Variants in CPNE2 observed in about 807,000 individuals in gnomAD.
CPNE2 encodes the protein copine-2.
CPNE2 carries 42 observed loss-of-function variants against 69.7 expected under a neutral mutation model. The ratio of observed to expected loss-of-function variants is 0.60; its 90% confidence interval spans 0.47 to 0.78. CPNE2 has a LOEUF of 0.78. CPNE2 is among the 30% of genes least tolerant of loss of function. The pLI is 0.00. For missense variants in CPNE2, 587 were observed against 732.0 expected, an observed-to-expected ratio of 0.80 and a Z score of 2.29; for synonymous variants, 294 against 289.8, an observed-to-expected ratio of 1.01 and a Z score of -0.15.
intron 4 of CPNE2, among the ~76,000 whole-genome samples, chr16:57,117,276 C>T (rs554686185): frequency 1.2e-4 from 19 of 152,262 alleles, no homozygotes; most frequent in African/African-American, 3.6e-4. Context: ...TGCGTAGATC[C>T]GCTTCCTGAC....
intron 14 of CPNE2, among the ~76,000 whole-genome samples, chr16:57,140,259 C>T (rs1469268500): frequency 6.6e-6 from 1 of 152,162 alleles, no homozygotes; most frequent in African/African-American, 2.4e-5. Flanking sequence ...CAACCTCCGC[C>T]TCCTGGGTTC....
chr16:57,119,106 C>T (rs1434619445), intron 5 of CPNE2, 89 bp from the exon 6 acceptor site: 51 of 1,175,282 alleles, frequency 4.3e-5, no homozygotes, highest in Non-Finnish European at 5.7e-5. Flanking sequence ...TCCTGACACC[C>T]GGCTGGGGAG....
At chr16:57,123,616 G>A in intron 10 of CPNE2, 143 bp downstream of exon 10, 1 of 857,542 alleles carries the variant, frequency 1.2e-6, no homozygotes, top group Middle Eastern at 3.4e-4. Context: ...GTGCGGCCTA[G>A]TGAGGAGGGC....
chr16:57,122,415 C>T (rs576153074), intron 9 of CPNE2, among the ~76,000 whole-genome samples: 2 of 152,278 alleles, frequency 1.3e-5, no homozygotes, highest in Non-Finnish European at 2.9e-5. Flanking sequence ...AGGGTTTACA[C>T]GAACATTCAG....
intron 1 of CPNE2, among the ~76,000 whole-genome samples, chr16:57,104,348 G>C (rs1477900123): frequency 6.6e-6 from 1 of 152,240 alleles, no homozygotes; most frequent in Non-Finnish European, 1.5e-5. Context: ...GGCAGCCTTG[G>C]CTCTGGGCCT....
At chr16:57,113,019 A>G (rs2069691410) in intron 2 of CPNE2, 1 of 328,402 alleles carries the variant, frequency 3.0e-6, no homozygotes, top group Non-Finnish European at 5.6e-6. Flanking sequence ...GCCAGGGCCA[A>G]AGAATTAAGA....
At chr16:57,140,882 T>A (rs2069917295) in intron 14 of CPNE2, 1 of 149,562 alleles carries the variant, frequency 6.7e-6, no homozygotes, top group Admixed American at 6.7e-5. Context: ...TTTTTTTTTT[T>A]TTTTTTTTTT....
chr16:57,108,899 T>C (rs1470031751), intron 1 of CPNE2, among the ~76,000 whole-genome samples: 1 of 152,226 alleles, frequency 6.6e-6, no homozygotes, highest in Non-Finnish European at 1.5e-5. Context: ...TAAGGACCAA[T>C]GCTGGCAGGA....
chr16:57,099,035 C>T (rs2069596321), intron 1 of CPNE2, among the ~76,000 whole-genome samples: 1 of 152,202 alleles, frequency 6.6e-6, no homozygotes, highest in South Asian at 2.1e-4. Flanking sequence ...CACAAACCAA[C>T]ATATCTGGGT....
chr16:57,145,412 A>T (rs1235917936), intron 14 of CPNE2, among the ~76,000 whole-genome samples: 6 of 152,228 alleles, frequency 3.9e-5, no homozygotes, highest in Non-Finnish European at 8.8e-5. Context: ...GATGGTGCTC[A>T]GTGCTGTGTT....
chr16:57,126,873 G>T (rs2069804738), intron 11 of CPNE2, among the ~76,000 whole-genome samples: 1 of 152,156 alleles, frequency 6.6e-6, no homozygotes, highest in African/African-American at 2.4e-5. Flanking sequence ...TTAAGACTTA[G>T]CATGGCCCCA....
chr16:57,120,233 T>C (rs1326254797), intron 7 of CPNE2, among the ~76,000 whole-genome samples: 14 of 147,548 alleles, frequency 9.5e-5, no homozygotes, highest in African/African-American at 3.0e-4. Context: ...ATTGAGCCAC[T>C]GCACTCCAGC....
At chr16:57,132,214 T>C (rs918959824) in intron 12 of CPNE2, among the ~76,000 whole-genome samples, 2 of 152,144 alleles carry the variant, frequency 1.3e-5, no homozygotes, top group Admixed American at 6.5e-5. Context: ...TCCCTGAGGG[T>C]GGCCCAGATG....
chr16:57,113,610 C>T lies in CPNE2; in HGVS notation c.360+143C>T, dbSNP rs2305700. 77,751 of 884,914 alleles carry T rather than the reference C, an allele frequency of 0.088. 4,216 individuals carry two copies. Among genetic ancestry groups the T allele is most frequent in the East Asian group, 0.25 (9,104 of 36,832 alleles). The allele number at this position is 884,914 out of a possible 1,614,324, so 54.8% of individuals were successfully genotyped here. On this transcript the variant is annotated intron_variant, in intron 3 of 15. Transcript: ENST00000290776. ...GATGCAGAGTGGGGAACAGTCTTGG[C>T]GGGTTCAAGGCCGGGCTGAAGAGCT... is the stretch of plus-strand genomic sequence containing the variant.
intron 12 of CPNE2, among the ~76,000 whole-genome samples, chr16:57,132,125 C>T (rs2069842715): frequency 6.6e-6 from 1 of 152,114 alleles, no homozygotes; most frequent in South Asian, 2.1e-4. Context: ...ACAGAGGGGT[C>T]GGTTCTCTGA....
At chr16:57,125,519 T>C (rs2069794276) in intron 10 of CPNE2, 1 of 390,148 alleles carries the variant, frequency 2.6e-6, no homozygotes. Context: ...TGGCTCTGCA[T>C]GCAGAGCGAA....
At position 57,148,328 on chromosome 16, in the gene CPNE2, A is replaced by T. The variant is rs2069974865; in HGVS notation, c.*670A>T. On this transcript the variant is annotated 3_prime_UTR_variant, in exon 16 of 16. Coordinates refer to ENST00000290776, the MANE Select transcript of CPNE2 (RefSeq NM_152727.6). ...GTTAAACTGGCACAGAACCTGGCAC[A>T]TTGTACAAACTCAATAAATATTCAT... 6.6e-6 allele frequency: 1 copy of T among 152,216 alleles called. No individual in the cohort carries two copies. The highest frequency in any genetic ancestry group is 1.9e-4 in the East Asian group (1 of 5,192). The allele number at this position is 152,216 out of a possible 1,614,324, so 9.4% of individuals were successfully genotyped here.
Position 57,123,404 on chromosome 16 carries a change from T to C in CPNE2, c.868-10T>C, listed in dbSNP as rs1250660611. 1.5e-5 allele frequency: 24 copies of C among 1,612,578 alleles called. No homozygotes were observed. The highest frequency in any genetic ancestry group is 2.2e-5 in the South Asian group (2 of 91,090). ...CAAGGGGACCCACTGACTCATCCGC[T>C]TTCTTCCAGATAAACCGAGACTACT... is the stretch of plus-strand genomic sequence containing the variant. On this transcript the variant is annotated splice_polypyrimidine_tract_variant and intron_variant, in intron 9 of 15. Transcript: ENST00000290776.
chr16:57,113,985 C>T (rs1254032842), intron 3 of CPNE2, among the ~76,000 whole-genome samples: 3 of 152,204 alleles, frequency 2.0e-5, no homozygotes, highest in Non-Finnish European at 4.4e-5. Context: ...GCCTCAGTTT[C>T]CCCACATTTT....
Sources: gnomAD v4.1 joint callset for allele counts (sites outside exome capture counted in the v4.1 genomes callset) on GRCh38, gnomAD v4.1.1 for gene constraint, MANE v1.5 for transcripts, NCBI Gene and HGNC (gene_info 2026-07-23, HGNC 2026-07-21) for gene names.